NFIA: variants seen among roughly 807,000 people sequenced by gnomAD.
NFIA encodes the protein nuclear factor 1 A-type.
A neutral mutation model predicts 62.8 loss-of-function variants in NFIA; 8 were observed. That is an observed-to-expected ratio of 0.13 (90% CI 0.07 to 0.23). The LOEUF (loss-of-function observed/expected upper bound fraction) is 0.23. Among genes scored for constraint, NFIA ranks in the 10% least tolerant of loss-of-function variants. The pLI is 1.00. For synonymous variants in NFIA, 235 were observed against 238.1 expected, an observed-to-expected ratio of 0.99 and a Z score of 0.12; for missense variants, 410 against 642.1, an observed-to-expected ratio of 0.64 and a Z score of 3.91.
chr1:61,308,969 A>T (rs931570662), intron 3 of NFIA, among the ~76,000 whole-genome samples: 1 of 152,144 alleles, frequency 6.6e-6, no homozygotes, highest in Non-Finnish European at 1.5e-5. Flanking sequence ...GCCGTAAGAA[A>T]TCCATGCCAT....
chr1:61,336,037 T>C (rs1661587326), intron 4 of NFIA, among the ~76,000 whole-genome samples: 1 of 152,196 alleles, frequency 6.6e-6, no homozygotes, highest in African/African-American at 2.4e-5. Flanking sequence ...TTGGTGTTAC[T>C]GTCCCTTTTT....
intron 9 of NFIA, among the ~76,000 whole-genome samples, chr1:61,419,708 A>G (rs568282936): frequency 2.8e-4 from 42 of 152,066 alleles, no homozygotes; most frequent in Non-Finnish European, 4.9e-4. Context: ...TGGCCAGACT[A>G]TTTCTTTTCA....
At chr1:61,099,267 C>T (rs1052438866) in intron 2 of NFIA, among the ~76,000 whole-genome samples, 4 of 151,936 alleles carry the variant, frequency 2.6e-5, no homozygotes, top group Admixed American at 6.6e-5. Context: ...GGGGTGGGGA[C>T]GATGAATAAG....
intron 2 of NFIA, among the ~76,000 whole-genome samples, chr1:61,095,476 C>T (rs1453448658): frequency 6.6e-6 from 1 of 152,116 alleles, no homozygotes; most frequent in Non-Finnish European, 1.5e-5. Flanking sequence ...TTGTATCCTT[C>T]TTTATATCTT....
intron 2 of NFIA, among the ~76,000 whole-genome samples, chr1:61,264,943 G>A (rs776860397): frequency 1.2e-4 from 18 of 152,152 alleles, no homozygotes; most frequent in Non-Finnish European, 2.2e-4. Context: ...GGGTTTGAGT[G>A]GGTGGGACCC....
At position 61,311,538 on chromosome 1, in the gene NFIA, T is replaced by C. The variant is rs145294417; in HGVS notation, c.626-20974T>C. ...GCATTGTCCTATGTGTGGGTCACTGTCCTGTGCGTTGTAGGATGTTAGCAG... is the reference window on the plus strand; with the variant it reads ...GCATTGTCCTATGTGTGGGTCACTGCCCTGTGCGTTGTAGGATGTTAGCAG... On this transcript the variant is annotated intron_variant, in intron 3 of 10. Transcript: ENST00000403491. Among the ~76,000 whole-genome samples the C allele has an allele frequency of 4.8e-3, 731 of 152,298 alleles. 8 individuals carry two copies. Among genetic ancestry groups the C allele is most frequent in the African/African-American group, 0.017 (688 of 41,558 alleles).
chr1:61,416,672 A>C (rs1284448029), intron 9 of NFIA, among the ~76,000 whole-genome samples: 2 of 152,276 alleles, frequency 1.3e-5, no homozygotes, highest in East Asian at 3.9e-4. Flanking sequence ...AAAGAAAAAG[A>C]ATTATTAAAA....
chr1:61,287,780 T>G (rs1383094678), intron 3 of NFIA, among the ~76,000 whole-genome samples: 1 of 152,178 alleles, frequency 6.6e-6, no homozygotes, highest in Non-Finnish European at 1.5e-5. Context: ...CTAGACCAAG[T>G]TTTGTATTTT....
intron 9 of NFIA, among the ~76,000 whole-genome samples, chr1:61,412,946 A>G (rs1179083751): frequency 6.6e-6 from 1 of 152,160 alleles, no homozygotes; most frequent in Non-Finnish European, 1.5e-5. Flanking sequence ...ATAAAAATGG[A>G]CTTTTCCAGA....
chr1:61,212,514 A>T (rs541030989), intron 2 of NFIA, among the ~76,000 whole-genome samples: 1 of 152,336 alleles, frequency 6.6e-6, no homozygotes, highest in African/African-American at 2.4e-5. Flanking sequence ...AATAAAATTT[A>T]TAAAGTTTTC....
chr1:61,410,544 A>T (rs1666051837), intron 9 of NFIA, among the ~76,000 whole-genome samples: 1 of 152,202 alleles, frequency 6.6e-6, no homozygotes, highest in African/African-American at 2.4e-5. Context: ...TGTAAACTGT[A>T]TGATGTAAAA....
intron 2 of NFIA, among the ~76,000 whole-genome samples, chr1:61,108,578 T>C (rs1045765879): frequency 6.6e-6 from 1 of 151,738 alleles, no homozygotes; most frequent in Admixed American, 6.6e-5. Flanking sequence ...TCCTTACCCT[T>C]CTCATTGCAC....
intron 2 of NFIA, among the ~76,000 whole-genome samples, chr1:61,092,818 G>A (rs1570133419): frequency 6.6e-6 from 1 of 152,198 alleles, no homozygotes; most frequent in Non-Finnish European, 1.5e-5. Context: ...GACAGATTGA[G>A]AATTCACTTC....
At chr1:61,336,950 A>G (rs1342488721) in intron 4 of NFIA, among the ~76,000 whole-genome samples, 2 of 152,204 alleles carry the variant, frequency 1.3e-5, no homozygotes, top group African/African-American at 4.8e-5. Context: ...AAATTTGCTA[A>G]TACAAATATT....
intron 4 of NFIA, among the ~76,000 whole-genome samples, chr1:61,348,123 C>T (rs1662345469): frequency 6.6e-6 from 1 of 152,198 alleles, no homozygotes; most frequent in Non-Finnish European, 1.5e-5. Flanking sequence ...ATTAGAGGTA[C>T]TGAGAATACC....
intron 2 of NFIA, among the ~76,000 whole-genome samples, chr1:61,207,736 C>T (rs1297124916): frequency 1.3e-5 from 2 of 152,232 alleles, no homozygotes; most frequent in Non-Finnish European, 2.9e-5. Context: ...TTCTCTGGTG[C>T]TGCCATTTCC....
intron 2 of NFIA, among the ~76,000 whole-genome samples, chr1:61,135,908 A>G (rs1040440396): frequency 6.6e-6 from 1 of 152,126 alleles, no homozygotes; most frequent in Non-Finnish European, 1.5e-5. Flanking sequence ...GAAAGAATAT[A>G]TGTAGTCTCC....
At chr1:61,123,929 C>G (rs1428677729) in intron 2 of NFIA, among the ~76,000 whole-genome samples, 2 of 152,188 alleles carry the variant, frequency 1.3e-5, no homozygotes, top group Non-Finnish European at 2.9e-5. Context: ...GTGTAAAAAC[C>G]TTTCTGTTTT....
At chr1:61,410,632 G>A (rs535182904) in intron 9 of NFIA, among the ~76,000 whole-genome samples, 5 of 152,246 alleles carry the variant, frequency 3.3e-5, no homozygotes, top group Admixed American at 6.5e-5. Flanking sequence ...ACTGGGCTTC[G>A]TGGCTCACAC....
Sources: allele counts gnomAD v4.1 joint callset (sites outside exome capture counted in the v4.1 genomes callset), GRCh38; gene constraint gnomAD v4.1.1; transcripts MANE v1.5; gene names NCBI Gene and HGNC (gene_info 2026-07-23, HGNC 2026-07-21).